SYT17: variants seen among roughly 807,000 people sequenced by gnomAD.
SYT17 encodes the protein synaptotagmin-17.
Under a neutral mutation model 46.7 loss-of-function variants are expected in SYT17, and 22 were observed. That is an observed-to-expected ratio of 0.47 (90% CI 0.34 to 0.67). The LOEUF (loss-of-function observed/expected upper bound fraction) is 0.67. Among genes scored for constraint, SYT17 ranks in the 30% least tolerant of loss-of-function variants. The pLI, the probability that SYT17 is intolerant of heterozygous loss-of-function variation, is 0.01. For synonymous variants in SYT17, 251 were observed against 248.4 expected, an observed-to-expected ratio of 1.01 and a Z score of -0.10; for missense variants, 519 against 612.8, an observed-to-expected ratio of 0.85 and a Z score of 1.62.
chr16:19,257,673 T>A (rs1250122109), intron 7 of SYT17, among the ~76,000 whole-genome samples: 2 of 152,204 alleles, frequency 1.3e-5, no homozygotes, highest in East Asian at 3.9e-4. Context: ...TAGGCAGGAC[T>A]ATGAAACAGC....
intron 5 of SYT17, among the ~76,000 whole-genome samples, chr16:19,185,548 C>T (rs1002983202): frequency 6.6e-6 from 1 of 152,022 alleles, no homozygotes; most frequent in Non-Finnish European, 1.5e-5. Context: ...ATGATCGAGC[C>T]ACTGCACTCA....
intron 5 of SYT17, among the ~76,000 whole-genome samples, chr16:19,199,553 A>G (rs988436652): frequency 2.0e-5 from 3 of 152,196 alleles, no homozygotes; most frequent in Non-Finnish European, 4.4e-5. Context: ...AGCCTGGGCA[A>G]CAAATCAAGA....
intron 5 of SYT17, among the ~76,000 whole-genome samples, chr16:19,217,931 T>C (rs1966158919): frequency 1.3e-5 from 2 of 152,254 alleles, no homozygotes; most frequent in Admixed American, 6.5e-5. Context: ...CAATAGATAC[T>C]GAGTTGCTTG....
intron 5 of SYT17, among the ~76,000 whole-genome samples, chr16:19,197,183 C>T (rs916767): frequency 0.23 from 35,021 of 152,142 alleles, 4,210 homozygotes; most frequent in African/African-American, 0.29. Context: ...AATTGTTTCC[C>T]GCTCAGGTTC....
At chr16:19,220,804 A>G (rs972424228) in intron 5 of SYT17, among the ~76,000 whole-genome samples, 5 of 152,192 alleles carry the variant, frequency 3.3e-5, no homozygotes, top group African/African-American at 7.2e-5. Flanking sequence ...AGGAAGCATC[A>G]GAGGAGTAAG....
In SYT17 at chr16:19,202,048, T is replaced by C. The variant is rs1476633335; in HGVS notation, c.951+17901T>C. On this transcript the variant is annotated intron_variant, in intron 5 of 7. Coordinates refer to ENST00000355377, the MANE Select transcript of SYT17 (RefSeq NM_016524.4). ...TCTGACACCAAGTTTGTGGGGTTTT[T>C]TTCCTCATACCAACCACTTCTCCAT... Among the ~76,000 whole-genome samples, 4 of 152,172 alleles carry C rather than the reference T, an allele frequency of 2.6e-5. No homozygotes were observed. In the South Asian group the frequency reaches 6.2e-4, roughly 24 times the overall value.
At chr16:19,231,439 C>T (rs551408329) in intron 7 of SYT17, among the ~76,000 whole-genome samples, 47 of 125,222 alleles carry the variant, frequency 3.8e-4, no homozygotes, top group African/African-American at 1.3e-3. Context: ...GGCATGGTGG[C>T]GGGTGCCTGT....
At chr16:19,194,229 C>G (rs768339205) in intron 5 of SYT17, among the ~76,000 whole-genome samples, 4 of 152,210 alleles carry the variant, frequency 2.6e-5, no homozygotes, top group Non-Finnish European at 5.9e-5. Context: ...GCAGCCATGT[C>G]TCTCTCTGAG....
intron 7 of SYT17, among the ~76,000 whole-genome samples, chr16:19,250,474 C>T (rs8063864): frequency 0.012 from 1,887 of 151,712 alleles, 49 homozygotes; most frequent in African/African-American, 0.043. Context: ...ACTGCAGTCT[C>T]GACCTCCCAG....
chr16:19,230,617 A>G (rs1028410115), intron 7 of SYT17, among the ~76,000 whole-genome samples: 31 of 152,156 alleles, frequency 2.0e-4, no homozygotes, highest in Admixed American at 4.6e-4. Flanking sequence ...TGATGCTGGA[A>G]CCTGGAATAC....
intron 7 of SYT17, among the ~76,000 whole-genome samples, chr16:19,230,458 T>C (rs1408761421): frequency 6.6e-6 from 1 of 151,716 alleles, no homozygotes; most frequent in Non-Finnish European, 1.5e-5. Context: ...CACAACACTG[T>C]GAATATACTT....
At chr16:19,225,148 C>T (rs970788616) in intron 7 of SYT17, among the ~76,000 whole-genome samples, 9 of 152,110 alleles carry the variant, frequency 5.9e-5, no homozygotes, top group Admixed American at 2.0e-4. Context: ...AATAATAGTA[C>T]GTGTGGCATA....
At chr16:19,207,796 G>A (rs1965730959) in intron 5 of SYT17, among the ~76,000 whole-genome samples, 1 of 152,148 alleles carries the variant, frequency 6.6e-6, no homozygotes. Context: ...AATCCTTGGG[G>A]AGGCCAGGGC....
At chr16:19,175,510 C>T (rs561310138) in intron 3 of SYT17, among the ~76,000 whole-genome samples, 2 of 152,074 alleles carry the variant, frequency 1.3e-5, no homozygotes, top group African/African-American at 4.8e-5. Flanking sequence ...AAAAAATTAG[C>T]TGGGCACGTT....
intron 7 of SYT17, among the ~76,000 whole-genome samples, chr16:19,247,345 A>T (rs912544787): frequency 2.8e-4 from 43 of 152,306 alleles, no homozygotes; most frequent in Non-Finnish European, 5.9e-5. Context: ...GATGTGTCCA[A>T]ATGTACTGTG....
chr16:19,216,534 C>T (rs535700233), intron 5 of SYT17, among the ~76,000 whole-genome samples: 2 of 152,176 alleles, frequency 1.3e-5, no homozygotes, highest in African/African-American at 4.8e-5. Context: ...CCTCCCTTAG[C>T]CCCCCAACCC....
intron 7 of SYT17, among the ~76,000 whole-genome samples, chr16:19,234,152 C>T (rs1398541723): frequency 6.6e-6 from 1 of 152,016 alleles, no homozygotes; most frequent in Admixed American, 6.5e-5. Context: ...ATAGCGAGAC[C>T]TTACCTCCAC....
chr16:19,209,608 C>T (rs766755273), intron 5 of SYT17, among the ~76,000 whole-genome samples: 3 of 152,094 alleles, frequency 2.0e-5, no homozygotes, highest in Non-Finnish European at 4.4e-5. Context: ...CGGTGGCTCA[C>T]GCCTGTAATC....
At chr16:19,264,308 G>A (rs888658596) in intron 7 of SYT17, among the ~76,000 whole-genome samples, 5 of 152,180 alleles carry the variant, frequency 3.3e-5, no homozygotes, top group Non-Finnish European at 7.4e-5. Context: ...AAACAAATGG[G>A]TTTGACTGTG....
Sources: allele counts gnomAD v4.1 joint callset (sites outside exome capture counted in the v4.1 genomes callset), GRCh38; gene constraint gnomAD v4.1.1; transcripts MANE v1.5; gene names NCBI Gene and HGNC (gene_info 2026-07-23, HGNC 2026-07-21).